DYNC2LI1: variants seen among roughly 807,000 people sequenced by gnomAD.
DYNC2LI1 encodes dynein cytoplasmic 2 light intermediate chain 1, also known as cytoplasmic dynein 2 light intermediate chain 1.
DYNC2LI1 carries 45 observed loss-of-function variants against 51.9 expected under a neutral mutation model. That is an observed-to-expected ratio of 0.87 (90% CI 0.68 to 1.11). The LOEUF (loss-of-function observed/expected upper bound fraction) is 1.11, where lower values mean the gene tolerates loss of function less well. DYNC2LI1 is among the 50% of genes most tolerant of loss of function. The probability of loss-of-function intolerance (pLI) is 0.00; values close to 1 mark genes in which losing one functional copy is unlikely to be tolerated. For synonymous variants in DYNC2LI1, 130 were observed against 137.8 expected (o/e 0.94, Z 0.40); for missense variants, 490 against 417.4 (o/e 1.17, Z -1.51).
chr2:43,810,540 A>T (rs900694656), downstream of DYNC2LI1: 1 of 978,988 alleles, frequency 1.0e-6, no homozygotes, highest in African/African-American at 1.8e-5. Flanking sequence ...TATAATTGCT[A>T]TGATTAAAAA....
rs534998251 is a variant in DYNC2LI1 at position 43,789,811 on chromosome 2, G to A, written c.320+90G>A. ...TGGCTTTTCTCAGTCAGAATTTTGG[G>A]GCACAGTTTTATGTTGCTGAAGGCT... On this transcript the variant is annotated intron_variant, in intron 5 of 12. Transcript: ENST00000260605. The A allele has an allele frequency of 1.3e-4, 143 of 1,139,216 alleles. 2 individuals are homozygous for A. The South Asian group carries it at 1.9e-3, about 15-fold the overall frequency. The allele number at this position is 1,139,216 out of a possible 1,614,324, so 70.6% of individuals were successfully genotyped here. A position where few individuals can be genotyped will look rare whatever the true frequency, so the allele number is the denominator to read the frequency against.
At chr2:43,802,348 C>T (rs2104710627) in intron 10 of DYNC2LI1, among the ~76,000 whole-genome samples, 1 of 147,382 alleles carries the variant, frequency 6.8e-6, no homozygotes, top group South Asian at 2.2e-4. Flanking sequence ...GCGTAGTTTG[C>T]TTTTAAAACT....
At chr2:43,783,359 A>G (rs762197460) in intron 2 of DYNC2LI1, among the ~76,000 whole-genome samples, 161 bp from the exon 3 acceptor site, 2 of 152,214 alleles carry the variant, frequency 1.3e-5, no homozygotes, top group Non-Finnish European at 2.9e-5. Flanking sequence ...TTTTCCACTT[A>G]TCAAACTTTA....
intron 10 of DYNC2LI1, among the ~76,000 whole-genome samples, chr2:43,803,051 C>G (rs1008070416): frequency 3.3e-5 from 5 of 152,148 alleles, no homozygotes; most frequent in African/African-American, 7.2e-5. Flanking sequence ...GAAACCAGAT[C>G]TCTCATACAT....
chr2:43,790,729 A>G (rs1673744156), intron 5 of DYNC2LI1, among the ~76,000 whole-genome samples: 2 of 152,198 alleles, frequency 1.3e-5, no homozygotes, highest in Admixed American at 1.3e-4. Context: ...CTGTAAATAG[A>G]CTTCGTACAG....
intron 2 of DYNC2LI1, among the ~76,000 whole-genome samples, chr2:43,778,625 A>G (rs1296104117): frequency 5.3e-5 from 8 of 152,342 alleles, no homozygotes; most frequent in South Asian, 4.1e-4. Flanking sequence ...TCTATTACAG[A>G]AAACATTCTG....
chr2:43,787,510 G>A (rs992924923), intron 4 of DYNC2LI1, among the ~76,000 whole-genome samples: 2 of 152,114 alleles, frequency 1.3e-5, no homozygotes, highest in African/African-American at 2.4e-5. Context: ...CAGTTCATGA[G>A]AATAGTGTTG....
chr2:43,781,863 A>G (rs920075251), intron 2 of DYNC2LI1: 1 of 152,008 alleles, frequency 6.6e-6, no homozygotes, highest in African/African-American at 2.4e-5. Flanking sequence ...CGGCCTCCCA[A>G]AGTGCTGGGA....
intron 3 of DYNC2LI1, among the ~76,000 whole-genome samples, chr2:43,785,985 A>G (rs1460404898): frequency 6.6e-6 from 1 of 152,110 alleles, no homozygotes; most frequent in Non-Finnish European, 1.5e-5. Context: ...TTACCATAAT[A>G]AAAAATTAAA....
the DYNC2LI1 span, chr2:43,826,609 G>A: frequency 6.3e-7 from 1 of 1,584,670 alleles, no homozygotes; most frequent in East Asian, 2.2e-5. Context: ...GTTCCTTATT[G>A]AGTTTGTACC....
downstream of DYNC2LI1, among the ~76,000 whole-genome samples, chr2:43,811,644 G>C (rs1666484369): frequency 6.6e-6 from 1 of 151,818 alleles, no homozygotes; most frequent in African/African-American, 2.4e-5. Flanking sequence ...CGCCAGGCTG[G>C]AGTGCAGTGG....
At chr2:43,812,972 C>G (rs1666559723), downstream of DYNC2LI1, 1 of 673,660 alleles carries the variant, frequency 1.5e-6, no homozygotes, top group Non-Finnish European at 2.7e-6. Flanking sequence ...TGCTTGGATC[C>G]AAGAGGCACA....
chr2:43,774,072 C>G lies in DYNC2LI1; in HGVS notation c.-67C>G. The G allele has an allele frequency of 1.2e-6, 2 of 1,604,838 alleles. No homozygotes were observed. The highest frequency in any genetic ancestry group is 1.7e-6 in the Non-Finnish European group (2 of 1,175,560). On this transcript the variant is annotated 5_prime_UTR_variant, in exon 1 of 13. Coordinates refer to ENST00000260605, the MANE Select transcript of DYNC2LI1 (RefSeq NM_016008.4). ...TCACTCCCAGACTCCTTGCGGAGCT[C>G]GCCGCCTGATTCTAGGCTGGTCACT...
rs1372219531 is a variant in DYNC2LI1, at chr2:43,805,470, C to T, written c.993+224C>T. 1.5e-5 allele frequency: 4 copies of T among 268,636 alleles called. No homozygotes were observed. The East Asian group carries it at 2.2e-4, about 14-fold the overall frequency. 16.6% of individuals were successfully genotyped at this position (268,636 alleles called of 1,614,324 possible). On this transcript the variant is annotated intron_variant, in intron 12 of 12. Coordinates refer to ENST00000260605, the MANE Select transcript of DYNC2LI1 (RefSeq NM_016008.4). ...GAAAAATTTTTAAATCACCTGTCAT[C>T]CCACCACCCAGACATGACTTAGTGT...
chr2:43,794,221 G>C (rs1673925374), intron 5 of DYNC2LI1: 1 of 387,968 alleles, frequency 2.6e-6, no homozygotes, highest in East Asian at 4.1e-5. Flanking sequence ...TTTAATTTTA[G>C]TTCAAACAGA....
rs573354426 is a variant in DYNC2LI1 at position 43,799,834 on chromosome 2, G to T, written c.655-1007G>T. 2.2e-4 allele frequency among the ~76,000 whole-genome samples: 34 copies of T among 152,250 alleles called. 1 individual carries two copies. The highest frequency in any genetic ancestry group is 8.2e-4 in the African/African-American group (34 of 41,550). On this transcript the variant is annotated intron_variant, in intron 8 of 12. Coordinates refer to ENST00000260605, the MANE Select transcript of DYNC2LI1 (RefSeq NM_016008.4). ...TTCTAAAATTCAGTTAAAGTTTTCTGTATGTATTTTAAAACATGGTCTCAG... is the reference window on the plus strand; with the variant it reads ...TTCTAAAATTCAGTTAAAGTTTTCTTTATGTATTTTAAAACATGGTCTCAG...
intron 9 of DYNC2LI1, chr2:43,801,332 C>T (rs1666072085): frequency 1.1e-5 from 2 of 187,874 alleles, no homozygotes; most frequent in African/African-American, 2.3e-5. Context: ...CCTCTACTAT[C>T]ACTTTCTTTT....
intron 12 of DYNC2LI1, among the ~76,000 whole-genome samples, chr2:43,806,964 G>A (rs1355479696): frequency 6.6e-6 from 1 of 151,958 alleles, no homozygotes; most frequent in African/African-American, 2.4e-5. Context: ...TTATTTGTGT[G>A]GTTTTAGACG....
intron 6 of DYNC2LI1, chr2:43,795,314 G>C: frequency 2.4e-6 from 1 of 416,484 alleles, no homozygotes; most frequent in Non-Finnish European, 3.2e-6. Context: ...GACCATCCTG[G>C]CCGACATGGT....
Sources: gnomAD v4.1 joint callset for allele counts (sites outside exome capture counted in the v4.1 genomes callset) on GRCh38, gnomAD v4.1.1 for gene constraint, MANE v1.5 for transcripts, NCBI Gene and HGNC (gene_info 2026-07-23, HGNC 2026-07-21) for gene names.